Variants in OPHN1 observed in about 807,000 individuals in gnomAD.
OPHN1 encodes the protein oligophrenin-1.
OPHN1 carries 11 observed loss-of-function variants against 60.7 expected under a neutral mutation model. That is an observed-to-expected ratio of 0.18 (90% CI 0.11 to 0.30). The LOEUF (loss-of-function observed/expected upper bound fraction) is 0.30. Ranked by LOEUF, OPHN1 falls within the 10% of genes least tolerant of loss-of-function variation. The pLI, the probability that OPHN1 is intolerant of heterozygous loss-of-function variation, is 1.00. For synonymous variants in OPHN1, 226 were observed against 222.6 expected (o/e 1.02, Z -0.14); for missense variants, 449 against 611.0 (o/e 0.73, Z 2.80).
At chrX:68,204,225 T>A (rs753351380) in intron 10 of OPHN1, among the ~76,000 whole-genome samples, 1 of 112,410 alleles carries the variant, frequency 8.9e-6, no homozygotes, top group Non-Finnish European at 1.9e-5. Flanking sequence ...AGGGAAGGGA[T>A]GAAGATCTAA....
intron 15 of OPHN1, among the ~76,000 whole-genome samples, chrX:68,177,148 A>C (rs1490902346): frequency 2.7e-5 from 3 of 110,447 alleles, no homozygotes; most frequent in Admixed American, 9.8e-5. Flanking sequence ...TTTCATTTAT[A>C]TGAGGCACTT....
At chrX:68,208,019 C>T (rs930373731) in intron 9 of OPHN1, among the ~76,000 whole-genome samples, 2 of 109,338 alleles carry the variant, frequency 1.8e-5, no homozygotes, top group African/African-American at 6.6e-5. Flanking sequence ...TCTTTCTTTC[C>T]TTTCTTTCCT....
chrX:68,176,283 G>A (rs1602213304), intron 15 of OPHN1, among the ~76,000 whole-genome samples: 1 of 111,880 alleles, frequency 8.9e-6, no homozygotes, highest in Non-Finnish European at 1.9e-5. Flanking sequence ...AATCGTGTGT[G>A]TGTTAGAGAT....
chrX:68,141,533 A>G (rs2077242650), intron 15 of OPHN1, among the ~76,000 whole-genome samples: 2 of 111,950 alleles, frequency 1.8e-5, no homozygotes, highest in South Asian at 7.5e-4. Context: ...TGGCCACAAG[A>G]TATAAACTTT....
intron 5 of OPHN1, among the ~76,000 whole-genome samples, chrX:68,247,211 C>G (rs778581174): frequency 9.0e-6 from 1 of 111,363 alleles, no homozygotes; most frequent in Non-Finnish European, 1.9e-5. Flanking sequence ...ATCCCCATAT[C>G]CTATCTTTGT....
At chrX:68,145,436 A>ATGG (rs1487571103) in intron 15 of OPHN1, among the ~76,000 whole-genome samples, 2 of 111,948 alleles carry the variant, frequency 1.8e-5, no homozygotes, top group Non-Finnish European at 1.9e-5. Flanking sequence ...GTTCAAAATG[A>ATGG]TGGCATCTGA....
chrX:68,265,556 G>C (rs1244191522), intron 5 of OPHN1, among the ~76,000 whole-genome samples: 1 of 111,270 alleles, frequency 9.0e-6, no homozygotes, highest in East Asian at 2.8e-4. Flanking sequence ...ACCAAAGGTA[G>C]ATAAAACCAC....
intron 15 of OPHN1, among the ~76,000 whole-genome samples, chrX:68,142,522 C>T (rs779795101): frequency 2.2e-4 from 24 of 111,596 alleles, no homozygotes; most frequent in Non-Finnish European, 3.0e-4. Context: ...TAATTTGTGA[C>T]GAAGTACCAG....
At chrX:68,266,179 G>A (rs942688819) in intron 5 of OPHN1, among the ~76,000 whole-genome samples, 3 of 110,679 alleles carry the variant, frequency 2.7e-5, no homozygotes, top group Non-Finnish European at 3.8e-5. Flanking sequence ...TACAGAGAAC[G>A]CCACAAAGAT....
rs764400216 is a variant in OPHN1 at position 68,132,466 on chromosome X, G to A, written c.1277-13134C>T. 3.3e-4 allele frequency among the ~76,000 whole-genome samples: 33 copies of A among 101,358 alleles called. 1 individual carries two copies. Among genetic ancestry groups the A allele is most frequent in the African/African-American group, 4.7e-4 (13 of 27,751 alleles). 88.0% of individuals were successfully genotyped at this position (101,358 alleles called of 115,157 possible). On this transcript the variant is annotated intron_variant, in intron 15 of 24. Transcript: ENST00000355520. ...TCGCAAGAACAACAAACCAAACACCGCATATTCTCACTCATAGGTGGGAAT... is the reference window on the plus strand; with the variant it reads ...TCGCAAGAACAACAAACCAAACACCACATATTCTCACTCATAGGTGGGAAT...
chrX:68,404,440 G>C (rs981035506), intron 2 of OPHN1, among the ~76,000 whole-genome samples: 2 of 111,303 alleles, frequency 1.8e-5, no homozygotes, highest in African/African-American at 6.5e-5. Flanking sequence ...TTACAGGTGT[G>C]AGCCACTGCG....
intron 2 of OPHN1, among the ~76,000 whole-genome samples, chrX:68,309,935 C>A (rs7062637): frequency 0.082 from 9,155 of 111,518 alleles, 935 homozygotes; most frequent in African/African-American, 0.29. Context: ...GCCACAGCTT[C>A]TAGTGCTGTT....
chrX:68,386,062 A>C (rs1360623434), intron 2 of OPHN1, among the ~76,000 whole-genome samples: 1 of 112,220 alleles, frequency 8.9e-6, no homozygotes, highest in Non-Finnish European at 1.9e-5. Context: ...ACCAATCTGC[A>C]TTATTTATTC....
chrX:68,141,240 C>G (rs2077241321), intron 15 of OPHN1, among the ~76,000 whole-genome samples: 1 of 112,058 alleles, frequency 8.9e-6, no homozygotes, highest in South Asian at 3.8e-4. Context: ...AACAAAACTT[C>G]TGTGTGTGAA....
intron 5 of OPHN1, among the ~76,000 whole-genome samples, chrX:68,269,864 T>C (rs2147585385): frequency 9.0e-6 from 1 of 111,666 alleles, no homozygotes; most frequent in Non-Finnish European, 1.9e-5. Flanking sequence ...ATATCCAGAA[T>C]CTACAATGAA....
chrX:68,229,915 G>C (rs1419823943), intron 6 of OPHN1, among the ~76,000 whole-genome samples: 3 of 111,716 alleles, frequency 2.7e-5, no homozygotes, highest in African/African-American at 9.8e-5. Flanking sequence ...TGACAAATGG[G>C]ATCTAATTAA....
At chrX:68,420,389 T>C (rs1202308197) in intron 2 of OPHN1, among the ~76,000 whole-genome samples, 1 of 112,056 alleles carries the variant, frequency 8.9e-6, no homozygotes, top group Admixed American at 9.5e-5. Flanking sequence ...AGTTTCCTCA[T>C]CTATAAATTG....
chrX:68,419,961 G>A (rs1410574179), intron 2 of OPHN1, among the ~76,000 whole-genome samples: 1 of 110,868 alleles, frequency 9.0e-6, no homozygotes, highest in Non-Finnish European at 1.9e-5. Context: ...CACCTCACTG[G>A]CTTCAGGCAA....
intron 2 of OPHN1, among the ~76,000 whole-genome samples, chrX:68,314,241 G>A (rs1420507590): frequency 9.0e-6 from 1 of 111,388 alleles, no homozygotes; most frequent in African/African-American, 3.3e-5. Context: ...TCCCAACCGG[G>A]CCAGGCACAG....
Sources: allele counts gnomAD v4.1 joint callset (sites outside exome capture counted in the v4.1 genomes callset), GRCh38; gene constraint gnomAD v4.1.1; transcripts MANE v1.5; gene names NCBI Gene and HGNC (gene_info 2026-07-23, HGNC 2026-07-21).